The following TIMD4 variants were observed in gnomAD, a reference collection of about 807,000 sequenced individuals.
The protein encoded by TIMD4 is T cell immunoglobulin and mucin domain containing 4.
TIMD4 carries 31 observed loss-of-function variants against 41.2 expected under a neutral mutation model. That is an observed-to-expected ratio of 0.75 (90% CI 0.57 to 1.01). TIMD4 has a LOEUF of 1.01. Among genes scored for constraint, TIMD4 ranks in the 50% least tolerant of loss-of-function variants. The pLI, the probability that TIMD4 is intolerant of heterozygous loss-of-function variation, is 0.00. For missense variants in TIMD4, 479 were observed against 472.5 expected, an observed-to-expected ratio of 1.01 and a Z score of -0.13; for synonymous variants, 204 against 177.1, an observed-to-expected ratio of 1.15 and a Z score of -1.21.
At chr5:156,929,898 G>A (rs757012749) in intron 5 of TIMD4, among the ~76,000 whole-genome samples, 5 of 152,138 alleles carry the variant, frequency 3.3e-5, no homozygotes, top group African/African-American at 9.7e-5. Context: ...TAAATCCAAC[G>A]AAAGATCCTA....
chr5:156,919,606 G>A, intron 8 of TIMD4, 65 bp from the exon 9 acceptor site: 1 of 1,348,926 alleles, frequency 7.4e-7, no homozygotes, highest in Non-Finnish European at 1.1e-6. Context: ...CAAAACAGAT[G>A]CTGCTAAGTT....
intron 7 of TIMD4, 32 bp from the exon 8 acceptor site, chr5:156,920,535 T>G: frequency 1.2e-6 from 2 of 1,612,760 alleles, no homozygotes; most frequent in Non-Finnish European, 1.7e-6. Context: ...GTGAGCAGAG[T>G]GGCTGCGGTG....
chr5:156,943,580 A>G (rs372511919), intron 5 of TIMD4, among the ~76,000 whole-genome samples: 5 of 152,330 alleles, frequency 3.3e-5, no homozygotes, highest in African/African-American at 1.2e-4. Context: ...GGCAGTGAAC[A>G]TGAGCCTGAG....
chr5:156,947,208 T>C (rs1343656957), intron 5 of TIMD4, among the ~76,000 whole-genome samples: 1 of 149,432 alleles, frequency 6.7e-6, no homozygotes, highest in Non-Finnish European at 1.5e-5. Context: ...AAAAAAAAAA[T>C]AAAATAGAAA....
intron 5 of TIMD4, among the ~76,000 whole-genome samples, chr5:156,938,157 C>T (rs998361840): frequency 6.6e-6 from 1 of 152,180 alleles, no homozygotes; most frequent in African/African-American, 2.4e-5. Context: ...GGGCAATGAG[C>T]TCTAATTTGG....
chr5:156,957,521 AAAAGAAAAAAGAAAAAG>A (rs1218827745), intron 1 of TIMD4, among the ~76,000 whole-genome samples: 1 of 147,606 alleles, frequency 6.8e-6, no homozygotes, highest in African/African-American at 2.5e-5. Context: ...TCAAAAAAAA[AAAAGAAAAAAGAAAAAG>A]AAAAAAGTCA....
chr5:156,949,655 G>T lies in TIMD4; in HGVS notation c.756C>A (p.Ser252=). The change falls in exon 4 of 9, where the codon TCC becomes TCA. Residue 252 remains serine, a synonymous_variant. Coordinates refer to ENST00000274532, the MANE Select transcript of TIMD4 (RefSeq NM_138379.3). ...STSADTVLLT[S]KESKVWDLPS... is the part of the protein sequence containing the mutation. ...AGAGAGTGAGTGTCTGCACACCTTT[G>T]GATGTCAGCAGGACAGTGTCAGCAG... is the stretch of plus-strand genomic sequence containing the variant. 1 of 1,610,796 alleles carries T rather than the reference G, an allele frequency of 6.2e-7. No individual in the cohort carries two copies. The highest frequency in any genetic ancestry group is 1.1e-5 in the South Asian group (1 of 91,004).
chr5:156,963,172 C>G lies in TIMD4; in HGVS notation c.27G>C (p.Trp9Cys). The change falls in exon 1 of 9, where the codon TGG becomes TGC. Residue 9 changes from tryptophan to cysteine, a missense_variant. Trp to Cys is a radical substitution (Grantham distance 215). Transcript: ENST00000274532. MSKEPLIL[W>C]LMIEFWWLYL... ...AAAGCCACCAAAACTCAATCATCAG[C>G]CAGAGAATGAGAGGTTCTTTGGACA... The G allele has an allele frequency of 6.2e-7, 1 of 1,614,170 alleles. No individual in the cohort carries two copies. Among genetic ancestry groups the G allele is most frequent in the South Asian group, 1.1e-5 (1 of 91,092 alleles).
intron 6 of TIMD4, chr5:156,924,386 A>G: frequency 2.5e-6 from 1 of 398,620 alleles, no homozygotes; most frequent in Non-Finnish European, 5.0e-6. Flanking sequence ...CAAAGATGTA[A>G]AGTTTGGTTC....
chr5:156,952,952 T>C (rs899131748), intron 2 of TIMD4, among the ~76,000 whole-genome samples: 2 of 152,240 alleles, frequency 1.3e-5, no homozygotes, highest in Non-Finnish European at 2.9e-5. Context: ...CAGTAAAGAT[T>C]GGTTCATACC....
intron 5 of TIMD4, among the ~76,000 whole-genome samples, chr5:156,934,395 AC>A (rs1384767609): frequency 6.6e-6 from 1 of 152,130 alleles, no homozygotes; most frequent in Non-Finnish European, 1.5e-5. Flanking sequence ...AGCTGGGACT[AC>A]AAGTGTGTGC....
chr5:156,925,652 A>G (rs1374400061), intron 6 of TIMD4, among the ~76,000 whole-genome samples: 2 of 152,260 alleles, frequency 1.3e-5, no homozygotes, highest in African/African-American at 2.4e-5. Context: ...TTGATTCTGC[A>G]GTATGTCATG....
At chr5:156,924,997 A>G (rs1199647214) in intron 6 of TIMD4, among the ~76,000 whole-genome samples, 1 of 152,162 alleles carries the variant, frequency 6.6e-6, no homozygotes, top group African/African-American at 2.4e-5. Flanking sequence ...CAAGTTAAAA[A>G]AAGAAAAAGA....
chr5:156,944,388 A>T (rs1356501319), intron 5 of TIMD4, among the ~76,000 whole-genome samples: 2 of 152,106 alleles, frequency 1.3e-5, no homozygotes, highest in African/African-American at 4.8e-5. Context: ...CCCTTCCTGC[A>T]AGAAGCTCAT....
At chr5:156,922,060 G>A (rs370676556) in intron 7 of TIMD4, 39 bp downstream of exon 7, 2 of 1,524,850 alleles carry the variant, frequency 1.3e-6, no homozygotes, top group Admixed American at 1.8e-5. Flanking sequence ...CAGTCGCCAG[G>A]GTTCTGAAGT....
At chr5:156,949,628 A>T (rs376912308) in intron 4 of TIMD4, 23 bp downstream of exon 4, 1 of 1,581,902 alleles carries the variant, frequency 6.3e-7, no homozygotes, top group Admixed American at 1.7e-5. Flanking sequence ...GAGGGAGGAC[A>T]GAGAGAGTGA....
intron 1 of TIMD4, among the ~76,000 whole-genome samples, chr5:156,960,042 C>T (rs1050273921): frequency 1.0e-4 from 15 of 149,674 alleles, no homozygotes; most frequent in African/African-American, 2.7e-4. Context: ...GACTCTGTCT[C>T]GAAAAAACCC....
In TIMD4 at chr5:156,962,578, C is replaced by T. The variant is rs555217509; in HGVS notation, c.58+563G>A. On this transcript the variant is annotated intron_variant, in intron 1 of 8. Transcript: ENST00000274532. Reference sequence around the variant, plus strand: ...CAGTGTCAACAGTTAGTGCCCGAGACGCAGCTGCAGCTCAGGCCAGAACAC... The same window carrying T: ...CAGTGTCAACAGTTAGTGCCCGAGATGCAGCTGCAGCTCAGGCCAGAACAC... 3.9e-5 allele frequency among the ~76,000 whole-genome samples: 6 copies of T among 152,208 alleles called. No individual in the cohort carries two copies. In the South Asian group the frequency reaches 1.0e-3, roughly 26 times the overall value.
intron 5 of TIMD4, among the ~76,000 whole-genome samples, chr5:156,933,980 T>C (rs909509900): frequency 2.0e-5 from 3 of 152,242 alleles, no homozygotes; most frequent in Non-Finnish European, 2.9e-5. Flanking sequence ...AGGGTAATAA[T>C]AGACTTCCTT....
Sources: allele counts gnomAD v4.1 joint callset (sites outside exome capture counted in the v4.1 genomes callset), GRCh38; gene constraint gnomAD v4.1.1; transcripts MANE v1.5; gene names NCBI Gene and HGNC (gene_info 2026-07-23, HGNC 2026-07-21).